Variants in SCRG1 observed in about 807,000 individuals in gnomAD.
The protein encoded by SCRG1 is stimulator of chondrogenesis 1, also known as scrapie-responsive protein 1.
SCRG1 carries 3 observed loss-of-function variants against 7.7 expected under a neutral mutation model. That is an observed-to-expected ratio of 0.39 (90% CI 0.18 to 1.01). The LOEUF (loss-of-function observed/expected upper bound fraction) is 1.01. Among genes scored for constraint, SCRG1 ranks in the 50% least tolerant of loss-of-function variants. SCRG1 has a pLI of 0.36. For synonymous variants in SCRG1, 46 were observed against 41.2 expected (o/e 1.12, Z -0.44); for missense variants, 110 against 117.2 (o/e 0.94, Z 0.28).
chr4:173,436,322 G>A, the SCRG1 span, among the ~76,000 whole-genome samples: 1 of 152,136 alleles, frequency 6.6e-6, no homozygotes, highest in East Asian at 1.9e-4. Context: ...TACCCTCTTT[G>A]TTATGTCCAC....
the SCRG1 span, among the ~76,000 whole-genome samples, chr4:173,442,847 A>G: frequency 6.6e-6 from 1 of 152,136 alleles, no homozygotes; most frequent in East Asian, 1.9e-4. Flanking sequence ...GCATTAATCT[A>G]CTCATGAGGT....
At chr4:173,428,349 TAA>T in the SCRG1 span, among the ~76,000 whole-genome samples, 1 of 152,184 alleles carries the variant, frequency 6.6e-6, no homozygotes, top group South Asian at 2.1e-4. Context: ...TTTACTGGAG[TAA>T]CAGTTTGAAG....
the SCRG1 span, among the ~76,000 whole-genome samples, chr4:173,494,812 G>A: frequency 3.3e-5 from 5 of 152,326 alleles, no homozygotes; most frequent in East Asian, 9.6e-4. Flanking sequence ...CACATTTAAG[G>A]CAACCGTGAA....
the SCRG1 span, among the ~76,000 whole-genome samples, chr4:173,513,462 G>C: frequency 6.6e-6 from 1 of 152,220 alleles, no homozygotes; most frequent in African/African-American, 2.4e-5. Flanking sequence ...GCCTTGGGAA[G>C]GGAGCAAACT....
At chr4:173,421,422 G>C in the SCRG1 span, among the ~76,000 whole-genome samples, 1 of 151,624 alleles carries the variant, frequency 6.6e-6, no homozygotes, top group Admixed American at 6.6e-5. Context: ...TTGTTGGGGG[G>C]GGGTTGATTT....
chr4:173,501,599 G>A, the SCRG1 span, among the ~76,000 whole-genome samples: 1 of 152,100 alleles, frequency 6.6e-6, no homozygotes, highest in East Asian at 1.9e-4. The surrounding 1 kb of genome is among the most constrained non-coding windows in gnomAD (Gnocchi z 5.1). Flanking sequence ...GGATTCAGAA[G>A]GGGGGGCCGG....
At chr4:173,460,624 T>G in the SCRG1 span, among the ~76,000 whole-genome samples, 1 of 152,192 alleles carries the variant, frequency 6.6e-6, no homozygotes, top group Non-Finnish European at 1.5e-5. Context: ...ATTTATCACC[T>G]GCTAACTGAA....
At chr4:173,506,885 A>G in the SCRG1 span, among the ~76,000 whole-genome samples, 1,499 of 152,208 alleles carry the variant, frequency 9.8e-3, 40 homozygotes, top group East Asian at 0.057. This position sits in a 1 kb window ranked among gnomAD's most constrained non-coding sequence, Gnocchi z 5.3. Flanking sequence ...TCGAGTTCAG[A>G]TGCTGGGAAC....
At chr4:173,501,719 G>A in the SCRG1 span, among the ~76,000 whole-genome samples, 1 of 152,148 alleles carries the variant, frequency 6.6e-6, no homozygotes, top group Non-Finnish European at 1.5e-5. The surrounding 1 kb of genome is among the most constrained non-coding windows in gnomAD (Gnocchi z 5.1). Context: ...TGGATGCAGA[G>A]GCATGGGTTA....
chr4:173,451,107 A>C, the SCRG1 span, among the ~76,000 whole-genome samples: 1 of 152,054 alleles, frequency 6.6e-6, no homozygotes, highest in African/African-American at 2.4e-5. Flanking sequence ...ATCAGCTTTA[A>C]GCTCTCTTTG....
At chr4:173,438,298 T>C in the SCRG1 span, among the ~76,000 whole-genome samples, 1 of 151,706 alleles carries the variant, frequency 6.6e-6, no homozygotes, top group African/African-American at 2.4e-5. Flanking sequence ...TTTTTTGTAT[T>C]TTTTTGTAGA....
chr4:173,429,308 A>G, the SCRG1 span, among the ~76,000 whole-genome samples: 1 of 151,852 alleles, frequency 6.6e-6, no homozygotes, highest in African/African-American at 2.4e-5. Context: ...TTTTTGAGAC[A>G]AAGTCTTGTT....
the SCRG1 span, among the ~76,000 whole-genome samples, chr4:173,444,377 G>C: frequency 6.6e-6 from 1 of 152,150 alleles, no homozygotes; most frequent in Non-Finnish European, 1.5e-5. Flanking sequence ...CCAATGGTCA[G>C]CAAACATTTT....
chr4:173,513,200 C>T, the SCRG1 span, among the ~76,000 whole-genome samples: 1 of 152,146 alleles, frequency 6.6e-6, no homozygotes, highest in Non-Finnish European at 1.5e-5. Flanking sequence ...AGAATTTGAT[C>T]TCACTTTTTT....
chr4:173,461,655 C>T, the SCRG1 span, among the ~76,000 whole-genome samples: 1 of 152,152 alleles, frequency 6.6e-6, no homozygotes, highest in South Asian at 2.1e-4. Flanking sequence ...TGCCCAGACA[C>T]CAAAGAACAT....
chr4:173,456,351 A>G, the SCRG1 span, among the ~76,000 whole-genome samples: 1 of 152,214 alleles, frequency 6.6e-6, no homozygotes, highest in Non-Finnish European at 1.5e-5. Flanking sequence ...AGTATATCTT[A>G]ACATTCAGTT....
the SCRG1 span, among the ~76,000 whole-genome samples, chr4:173,449,044 G>A: frequency 6.6e-6 from 1 of 152,234 alleles, no homozygotes; most frequent in African/African-American, 2.4e-5. Flanking sequence ...GGCTGAAGTG[G>A]AGAGGCTAAC....
the SCRG1 span, among the ~76,000 whole-genome samples, chr4:173,463,751 C>G: frequency 6.6e-6 from 1 of 152,154 alleles, no homozygotes; most frequent in Non-Finnish European, 1.5e-5. Flanking sequence ...ACCAGTGAAA[C>G]CTTTGTGGTT....
intron 1 of SCRG1, among the ~76,000 whole-genome samples, chr4:173,391,905 G>GACAC (rs370608521): frequency 6.6e-6 from 1 of 151,374 alleles, no homozygotes; most frequent in Admixed American, 6.6e-5. Context: ...GTGAGACCTT[G>GACAC]ACACACACAC....
Sources: gnomAD v4.1 joint callset for allele counts (sites outside exome capture counted in the v4.1 genomes callset) on GRCh38, gnomAD v4.1.1 for gene constraint, Gnocchi (gnomAD v3.1) non-coding constraint, MANE v1.5 for transcripts, NCBI Gene and HGNC (gene_info 2026-07-23, HGNC 2026-07-21) for gene names.